Variants in UCHL3 observed in about 807,000 individuals in gnomAD.
The protein encoded by UCHL3 is ubiquitin carboxyl-terminal hydrolase isozyme L3.
A neutral mutation model predicts 35.8 loss-of-function variants in UCHL3; 22 were observed. The observed-to-expected ratio is 0.61, with a 90% CI of 0.44 to 0.88. UCHL3 has a LOEUF of 0.88. UCHL3 is among the 40% of genes least tolerant of loss of function. The probability of loss-of-function intolerance (pLI) is 0.00; values close to 1 mark genes in which losing one functional copy is unlikely to be tolerated. For missense variants in UCHL3, 229 were observed against 276.9 expected (o/e 0.83, Z 1.23); for synonymous variants, 90 against 92.8 (o/e 0.97, Z 0.17).
intron 6 of UCHL3, among the ~76,000 whole-genome samples, chr13:75,593,675 G>A (rs1431528974): frequency 6.6e-6 from 1 of 152,116 alleles, no homozygotes; most frequent in Non-Finnish European, 1.5e-5. Context: ...TAGAAGAGCT[G>A]GCTTGCCACA....
chr13:75,605,797 T>C lies in UCHL3; in HGVS notation c.678T>C (p.Ala226=). ...ATGAACTAAGATTTAATGCGATTGC[T>C]CTTTCTGCAGCATAGCTTGTCAATA... ...DPDELRFNAI[A]LSAA Residue 226 remains alanine (A), a synonymous_variant, in exon 9 of 9, where the codon GCT becomes GCC. Coordinates refer to ENST00000377595, the MANE Select transcript of UCHL3 (RefSeq NM_006002.5). 6.2e-7 allele frequency: 1 copy of C among 1,614,088 alleles called. No individual in the cohort carries two copies. Among genetic ancestry groups the C allele is most frequent in the Non-Finnish European group, 8.5e-7 (1 of 1,179,996 alleles).
intron 7 of UCHL3, among the ~76,000 whole-genome samples, chr13:75,602,048 G>T (rs2032793204): frequency 6.6e-6 from 1 of 152,068 alleles, no homozygotes; most frequent in Admixed American, 6.5e-5. Context: ...GGCAGAGCTT[G>T]CAGTGAGCTG....
intron 7 of UCHL3, among the ~76,000 whole-genome samples, chr13:75,601,953 C>CA (rs1307919029): frequency 1.3e-5 from 2 of 151,796 alleles, no homozygotes; most frequent in Admixed American, 6.6e-5. Flanking sequence ...ACTAAAAATA[C>CA]AAAAAATTAG....
chr13:75,557,882 C>G (rs2031344751), intron 2 of UCHL3, among the ~76,000 whole-genome samples: 1 of 151,698 alleles, frequency 6.6e-6, no homozygotes, highest in African/African-American at 2.4e-5. Flanking sequence ...AATTTCCTTC[C>G]TATCTTTCTG....
At chr13:75,580,279 A>G (rs1029903286) in intron 6 of UCHL3, among the ~76,000 whole-genome samples, 1 of 152,140 alleles carries the variant, frequency 6.6e-6, no homozygotes, top group African/African-American at 2.4e-5. Context: ...TTTCCTTTTT[A>G]AAATTTGAAC....
chr13:75,574,911 G>A (rs561735174), intron 6 of UCHL3, among the ~76,000 whole-genome samples: 1 of 152,334 alleles, frequency 6.6e-6, no homozygotes, highest in South Asian at 2.1e-4. Context: ...TATTTGGGTA[G>A]TAGTTAGAAC....
chr13:75,568,945 G>GT lies in UCHL3; in HGVS notation c.427-506dup, dbSNP rs200999755. 3.0e-3 allele frequency among the ~76,000 whole-genome samples: 453 copies of GT among 151,330 alleles called. 3 individuals carry two copies. Among genetic ancestry groups the GT allele is most frequent in the Middle Eastern group, 0.027 (8 of 294 alleles). ...GCAAATAGTGGGTACTATAAGAGTG[G>GT]TTTTTTTTTAGTTCAGGAAACTAAA... On this transcript the variant is annotated intron_variant, in intron 5 of 8. Transcript: ENST00000377595.
intron 7 of UCHL3, among the ~76,000 whole-genome samples, chr13:75,598,872 T>G (rs1300757369): frequency 6.6e-6 from 1 of 151,690 alleles, no homozygotes; most frequent in African/African-American, 2.4e-5. Context: ...AAATGGCAAT[T>G]AAAAAAAAAT....
At position 75,604,806 on chromosome 13, in the gene UCHL3, T is replaced by C; in HGVS notation, c.588T>C (p.Thr196=). The C allele has an allele frequency of 6.2e-7, 1 of 1,600,054 alleles. No homozygotes were observed. The highest frequency in any genetic ancestry group is 8.5e-7 in the Non-Finnish European group (1 of 1,173,502). The stretch of plus-strand genomic sequence containing the variant: ...CATTTCCAATTAACCATGGTGAAAC[T>C]AGTGATGAAACTTTATTAGAGGTAA... The part of the protein sequence containing the change: ...RKPFPINHGE[T]SDETLLEDAI... Residue 196 remains threonine (T), a synonymous_variant, in exon 8 of 9, where the codon ACT becomes ACC. Coordinates refer to ENST00000377595, the MANE Select transcript of UCHL3 (RefSeq NM_006002.5).
chr13:75,603,100 C>T (rs1480441428), intron 7 of UCHL3, among the ~76,000 whole-genome samples: 1 of 152,078 alleles, frequency 6.6e-6, no homozygotes, highest in African/African-American at 2.4e-5. Context: ...AGTGATCCTC[C>T]TGCCTCAGCC....
rs200810498 is a variant in UCHL3 at position 75,582,352 on chromosome 13, G to GT, written c.475-12556dup. Among the ~76,000 whole-genome samples the GT allele has an allele frequency of 6.8e-3, 1,028 of 152,200 alleles. 5 individuals carry two copies. Among genetic ancestry groups the GT allele is most frequent in the Middle Eastern group, 0.017 (5 of 294 alleles). On this transcript the variant is annotated intron_variant, in intron 6 of 8. Transcript: ENST00000377595. ...CAGGTTTCTGAAAAGCCTAGTCTAG[G>GT]TTTTTTTGAACTATAATGAAGAGAT...
chr13:75,605,830 C>G lies in UCHL3; in HGVS notation c.*18C>G. The G allele has an allele frequency of 3.1e-6, 5 of 1,610,200 alleles. No homozygotes were observed. The highest frequency in any genetic ancestry group is 4.2e-6 in the Non-Finnish European group (5 of 1,178,210). On this transcript the variant is annotated 3_prime_UTR_variant, in exon 9 of 9. Transcript: ENST00000377595. ...CAGCATAGCTTGTCAATAATGGAAA[C>G]ACCAAAAACTGTATTATTTGCAACT...
At chr13:75,550,826 C>A (rs1310747778) in intron 2 of UCHL3, among the ~76,000 whole-genome samples, 1 of 150,440 alleles carries the variant, frequency 6.6e-6, no homozygotes, top group Non-Finnish European at 1.5e-5. Context: ...CACCAAGGAA[C>A]AATTCACCGT....
intron 6 of UCHL3, among the ~76,000 whole-genome samples, chr13:75,576,115 A>G (rs551095061): frequency 3.3e-5 from 5 of 152,334 alleles, no homozygotes; most frequent in Admixed American, 6.5e-5. Flanking sequence ...AGTGTTTTAT[A>G]TTAGGCTTAA....
chr13:75,561,424 A>C (rs2031491216), intron 3 of UCHL3, among the ~76,000 whole-genome samples: 1 of 151,768 alleles, frequency 6.6e-6, no homozygotes, highest in Non-Finnish European at 1.5e-5. Context: ...GCTTTGGTAA[A>C]TTTTCTTCTT....
chr13:75,571,011 C>G (rs1053925136), intron 6 of UCHL3, among the ~76,000 whole-genome samples: 5 of 152,034 alleles, frequency 3.3e-5, no homozygotes, highest in African/African-American at 1.2e-4. Flanking sequence ...ACATAAGAGG[C>G]CCGTCTAAAA....
chr13:75,563,572 A>G (rs1038459080), intron 3 of UCHL3, among the ~76,000 whole-genome samples: 34 of 152,232 alleles, frequency 2.2e-4, no homozygotes, highest in African/African-American at 8.0e-4. Flanking sequence ...AATAGTTACA[A>G]TAGTGAAGCA....
intron 6 of UCHL3, among the ~76,000 whole-genome samples, chr13:75,593,099 TTAAGG>T (rs1170933708): frequency 2.0e-5 from 3 of 152,150 alleles, no homozygotes; most frequent in South Asian, 4.1e-4. Flanking sequence ...AGAGATGGTG[TTAAGG>T]TAACTAATAA....
At chr13:75,573,196 G>A (rs2031915817) in intron 6 of UCHL3, among the ~76,000 whole-genome samples, 1 of 151,536 alleles carries the variant, frequency 6.6e-6, no homozygotes, top group Non-Finnish European at 1.5e-5. Flanking sequence ...CTCGGGAGGC[G>A]GAGGTTGCAG....
Sources: gnomAD v4.1 joint callset for allele counts (sites outside exome capture counted in the v4.1 genomes callset) on GRCh38, gnomAD v4.1.1 for gene constraint, MANE v1.5 for transcripts, NCBI Gene and HGNC (gene_info 2026-07-23, HGNC 2026-07-21) for gene names.